Variants in SOCS5 observed in about 807,000 individuals in gnomAD.
SOCS5 encodes CIS-6.
A neutral mutation model predicts 42.8 loss-of-function variants in SOCS5; 32 were observed. That is an observed-to-expected ratio of 0.75 (90% CI 0.56 to 1.01). The LOEUF (loss-of-function observed/expected upper bound fraction) is 1.01, where lower values mean the gene tolerates loss of function less well. SOCS5 is among the 50% of genes least tolerant of loss of function. SOCS5 has a pLI of 0.00. For missense variants in SOCS5, 627 were observed against 653.0 expected, an observed-to-expected ratio of 0.96 and a Z score of 0.43; for synonymous variants, 283 against 229.6, an observed-to-expected ratio of 1.23 and a Z score of -2.10.
intron 1 of SOCS5, among the ~76,000 whole-genome samples, chr2:46,740,771 C>T (rs192347322): frequency 2.7e-4 from 41 of 152,100 alleles, no homozygotes; most frequent in African/African-American, 9.2e-4. Context: ...TAGGGAAGCT[C>T]TGGAACCAGA....
Position 46,733,094 on chromosome 2 carries a change from TTTTA to T in SOCS5, c.-12-25413_-12-25410del, listed in dbSNP as rs569325494. ...CCTATTTTTGCCCAAATTATTTTTA[TTTTA>T]TTTATTTATTTTTTGAGGCAGAGTC... On this transcript the variant is annotated intron_variant, in intron 1 of 1. Coordinates refer to ENST00000394861, the MANE Select transcript of SOCS5 (RefSeq NM_144949.3). 5.0e-3 allele frequency among the ~76,000 whole-genome samples: 753 copies of T among 151,874 alleles called. 5 individuals are homozygous for T. The highest frequency in any genetic ancestry group is 9.5e-3 in the Admixed American group (144 of 15,222).
intron 1 of SOCS5, among the ~76,000 whole-genome samples, chr2:46,700,812 T>A (rs969799526): frequency 1.3e-5 from 2 of 152,208 alleles, no homozygotes; most frequent in African/African-American, 4.8e-5. Context: ...TGGCGGTTCT[T>A]CATTTCACTG....
At chr2:46,707,263 C>T (rs928842353) in intron 1 of SOCS5, among the ~76,000 whole-genome samples, 1 of 152,126 alleles carries the variant, frequency 6.6e-6, no homozygotes, top group Non-Finnish European at 1.5e-5. Context: ...AGTGGAAGCT[C>T]AGGAGATAGT....
chr2:46,707,503 A>T (rs777039701), intron 1 of SOCS5, among the ~76,000 whole-genome samples: 5 of 152,232 alleles, frequency 3.3e-5, no homozygotes, highest in Non-Finnish European at 5.9e-5. Context: ...AGAGTGTTTA[A>T]GGAGGAAGAT....
At position 46,760,219 on chromosome 2, in the gene SOCS5, A is replaced by G. The variant is rs1673836213; in HGVS notation, c.*78A>G. 9.6e-7 allele frequency: 1 copy of G among 1,045,360 alleles called. No homozygotes were observed. Among genetic ancestry groups the G allele is most frequent in the African/African-American group, 1.6e-5 (1 of 61,664 alleles). 64.8% of individuals were successfully genotyped at this position (1,045,360 alleles called of 1,614,324 possible). On this transcript the variant is annotated 3_prime_UTR_variant, in exon 2 of 2. Coordinates refer to ENST00000394861, the MANE Select transcript of SOCS5 (RefSeq NM_144949.3). ...CAGTACACCTATAGCAAGCACACGT[A>G]GCAGTGTTAGGCTTTTTCATACAGT...
intron 1 of SOCS5, among the ~76,000 whole-genome samples, chr2:46,705,452 G>C (rs1329230200): frequency 6.6e-6 from 1 of 152,208 alleles, no homozygotes; most frequent in Non-Finnish European, 1.5e-5. Flanking sequence ...CTACACATAT[G>C]TTTTGAGGTC....
chr2:46,717,507 A>C (rs1672775738), intron 1 of SOCS5, among the ~76,000 whole-genome samples: 1 of 152,202 alleles, frequency 6.6e-6, no homozygotes, highest in Non-Finnish European at 1.5e-5. Flanking sequence ...CATGCCAGAT[A>C]AACAATTTCG....
In SOCS5 at chr2:46,759,928, GT is replaced by G. The variant is rs1490808666; in HGVS notation, c.1404del (p.Phe468LeufsTer9). ...ATTATAAAGATCCCAGTTCGTGCATGTTTTTTGAACCATTGCTTACTATATC... is the reference window on the plus strand; with the variant it reads ...ATTATAAAGATCCCAGTTCGTGCATGTTTTTGAACCATTGCTTACTATATC... ...EHYKDPSSCM[F>X]FEPLLTISLN... is the part of the protein sequence containing the mutation. On this transcript the variant is annotated frameshift_variant, in exon 2 of 2. Transcript: ENST00000394861. LOFTEE classifies it high-confidence loss of function. 1 of 1,614,004 alleles carries G rather than the reference GT, an allele frequency of 6.2e-7. No individual in the cohort carries two copies. Among genetic ancestry groups the G allele is most frequent in the East Asian group, 2.2e-5 (1 of 44,892 alleles).
At chr2:46,729,418 C>T (rs1572838093) in intron 1 of SOCS5, among the ~76,000 whole-genome samples, 1 of 152,166 alleles carries the variant, frequency 6.6e-6, no homozygotes, top group Non-Finnish European at 1.5e-5. Context: ...AGACAAGACT[C>T]ACACAAACCT....
intron 1 of SOCS5, among the ~76,000 whole-genome samples, chr2:46,746,756 A>T (rs751077639): frequency 6.6e-6 from 1 of 151,712 alleles, no homozygotes; most frequent in Admixed American, 6.6e-5. Flanking sequence ...GTATATAGTT[A>T]TGTAATTGAT....
chr2:46,756,896 A>G lies in SOCS5; in HGVS notation c.-12-1623A>G, dbSNP rs539277424. 2.2e-4 allele frequency among the ~76,000 whole-genome samples: 34 copies of G among 152,342 alleles called. 1 individual carries two copies. Among genetic ancestry groups the G allele is most frequent in the African/African-American group, 7.5e-4 (31 of 41,594 alleles). On this transcript the variant is annotated intron_variant, in intron 1 of 1. Transcript: ENST00000394861. ...GGCGTAAACCTCATAAAAAATGCTT[A>G]CGAGAGAGATTTTTGCAAGACAGAG... is the stretch of plus-strand genomic sequence containing the variant.
At chr2:46,703,373 T>TA (rs1672387793) in intron 1 of SOCS5, among the ~76,000 whole-genome samples, 1 of 151,060 alleles carries the variant, frequency 6.6e-6, no homozygotes, top group Non-Finnish European at 1.5e-5. Flanking sequence ...TTTTCACTGA[T>TA]GCAGAATTTT....
At position 46,699,459 on chromosome 2, in the gene SOCS5, C is replaced by A; in HGVS notation, c.-13+10C>A. On this transcript the variant is annotated intron_variant, in intron 1 of 1. Coordinates refer to ENST00000394861, the MANE Select transcript of SOCS5 (RefSeq NM_144949.3). This position sits in a 1 kb window ranked among gnomAD's most constrained non-coding sequence, Gnocchi z 4.8. Reference sequence around the variant, plus strand: ...CCGCGCGCCCCAAACGGTGAGTGTCCCCGCGGTCGCGCCCGGCCCGCCGCC... The same window carrying A: ...CCGCGCGCCCCAAACGGTGAGTGTCACCGCGGTCGCGCCCGGCCCGCCGCC... The A allele has an allele frequency of 6.6e-6, 1 of 152,020 alleles. No homozygotes were observed. Among genetic ancestry groups the A allele is most frequent in the South Asian group, 1.9e-4 (1 of 5,394 alleles). The allele number at this position is 152,020 out of a possible 1,614,324, so 9.4% of individuals were successfully genotyped here.
chr2:46,718,025 C>G (rs1000699026), intron 1 of SOCS5, among the ~76,000 whole-genome samples: 2 of 152,182 alleles, frequency 1.3e-5, no homozygotes, highest in Non-Finnish European at 2.9e-5. Flanking sequence ...TTTTGCTGCT[C>G]AAATTCCAGC....
At chr2:46,755,447 A>G (rs1227416531) in intron 1 of SOCS5, among the ~76,000 whole-genome samples, 2 of 152,178 alleles carry the variant, frequency 1.3e-5, no homozygotes, top group Admixed American at 6.5e-5. Flanking sequence ...CTAATTTTCC[A>G]TAATTCTAAT....
chr2:46,741,964 A>G (rs576341053), intron 1 of SOCS5, among the ~76,000 whole-genome samples: 3 of 152,328 alleles, frequency 2.0e-5, no homozygotes, highest in South Asian at 2.1e-4. Flanking sequence ...ATAATATACA[A>G]TTTCCTTTCT....
chr2:46,700,286 A>G (rs1050595032), intron 1 of SOCS5, among the ~76,000 whole-genome samples: 1 of 152,208 alleles, frequency 6.6e-6, no homozygotes, highest in Non-Finnish European at 1.5e-5. Flanking sequence ...TGGCTGCTGG[A>G]CTTTGTCAGT....
intron 1 of SOCS5, among the ~76,000 whole-genome samples, chr2:46,735,214 C>T (rs1381039206): frequency 3.9e-5 from 6 of 152,270 alleles, no homozygotes; most frequent in Middle Eastern, 3.4e-3. Context: ...CTCTGCTCCA[C>T]GAAGTAATTT....
chr2:46,707,981 A>G (rs1044446798), intron 1 of SOCS5, among the ~76,000 whole-genome samples: 4 of 152,254 alleles, frequency 2.6e-5, no homozygotes, highest in Non-Finnish European at 5.9e-5. Flanking sequence ...AATATCTTAT[A>G]TAATTTAATG....
Sources: allele counts gnomAD v4.1 joint callset (sites outside exome capture counted in the v4.1 genomes callset), GRCh38; gene constraint gnomAD v4.1.1; non-coding constraint Gnocchi (gnomAD v3.1); transcripts MANE v1.5; gene names NCBI Gene and HGNC (gene_info 2026-07-23, HGNC 2026-07-21).